KLRG1: variants seen among roughly 807,000 people sequenced by gnomAD.
The protein encoded by KLRG1 is killer cell lectin-like receptor subfamily G member 1.
In KLRG1, 16 loss-of-function variants were observed where a neutral mutation model predicts 21.8. The observed-to-expected ratio is 0.73, with a 90% CI of 0.50 to 1.11. The LOEUF (loss-of-function observed/expected upper bound fraction) is 1.11, where lower values mean the gene tolerates loss of function less well. KLRG1 is among the 50% of genes most tolerant of loss of function. The pLI, the probability that KLRG1 is intolerant of heterozygous loss-of-function variation, is 0.00. For synonymous variants in KLRG1, 69 were observed against 75.9 expected (o/e 0.91, Z 0.47); for missense variants, 173 against 218.3 (o/e 0.79, Z 1.31).
chr12:9,192,066 T>G, the KLRG1 span: 1 of 755,428 alleles, frequency 1.3e-6, no homozygotes, highest in East Asian at 2.6e-5. Flanking sequence ...ATAAGACGAG[T>G]ATTTTCCTGC....
chr12:8,953,209 G>A (rs918675521), intron 1 of KLRG1, among the ~76,000 whole-genome samples: 5 of 152,194 alleles, frequency 3.3e-5, no homozygotes, highest in African/African-American at 7.2e-5. Context: ...TTTATTGAGC[G>A]ATGGAACAGC....
the KLRG1 span, among the ~76,000 whole-genome samples, chr12:9,171,023 T>A: frequency 3.9e-5 from 6 of 152,130 alleles, no homozygotes; most frequent in Admixed American, 2.6e-4. Flanking sequence ...TTTGAGAAGG[T>A]CCCTGATCCC....
the KLRG1 span, among the ~76,000 whole-genome samples, chr12:9,140,817 TGAGGCCAGTTTCCC>T: frequency 6.6e-6 from 1 of 152,192 alleles, no homozygotes; most frequent in Non-Finnish European, 1.5e-5. Flanking sequence ...ACATAAAATA[TGAGGCCAGTTTCCC>T]GAGAGTTTTA....
the KLRG1 span, chr12:9,098,405 T>A: frequency 9.6e-6 from 3 of 311,028 alleles, no homozygotes; most frequent in Non-Finnish European, 1.6e-5. Context: ...ATTTTGTTTA[T>A]TTTTTTAACT....
At chr12:9,109,517 T>C in the KLRG1 span, 1 of 800,280 alleles carries the variant, frequency 1.2e-6, no homozygotes, top group Non-Finnish European at 2.1e-6. Flanking sequence ...TCTGAAAAGG[T>C]AGCTCTGCTC....
the KLRG1 span, among the ~76,000 whole-genome samples, chr12:9,060,306 G>A: frequency 2.0e-5 from 3 of 152,142 alleles, no homozygotes; most frequent in Non-Finnish European, 4.4e-5. Flanking sequence ...ACAGGCGTGA[G>A]CCATCGCACC....
intron 1 of KLRG1, among the ~76,000 whole-genome samples, chr12:8,953,163 C>T (rs1480864513): frequency 2.0e-5 from 3 of 151,836 alleles, no homozygotes; most frequent in East Asian, 3.9e-4. Flanking sequence ...TGAGGATATG[C>T]TGACAATTTG....
At chr12:9,046,287 C>T in the KLRG1 span, among the ~76,000 whole-genome samples, 6 of 152,046 alleles carry the variant, frequency 3.9e-5, no homozygotes, top group Non-Finnish European at 8.8e-5. Flanking sequence ...ATAATATACA[C>T]ATAATGGGAA....
At chr12:9,008,335 G>A (rs1437613492) in intron 3 of KLRG1, among the ~76,000 whole-genome samples, 2 of 152,362 alleles carry the variant, frequency 1.3e-5, no homozygotes, top group South Asian at 2.1e-4. Context: ...ATGGAAGGTA[G>A]AGATGTAATA....
chr12:9,076,823 G>A, the KLRG1 span: 1 of 1,613,990 alleles, frequency 6.2e-7, no homozygotes, highest in East Asian at 2.2e-5. Context: ...TACCTGCCAG[G>A]GCAAAAGCAT....
At chr12:9,057,742 TA>T in the KLRG1 span, 1 of 152,538 alleles carries the variant, frequency 6.6e-6, no homozygotes, top group African/African-American at 2.4e-5. Flanking sequence ...GAAGGAGTAA[TA>T]ATGCGGAACC....
At chr12:9,205,723 T>A in the KLRG1 span, among the ~76,000 whole-genome samples, 1 of 152,248 alleles carries the variant, frequency 6.6e-6, no homozygotes. Flanking sequence ...CTACCCTTAC[T>A]TTCCATTGCC....
At chr12:9,188,742 A>G in the KLRG1 span, among the ~76,000 whole-genome samples, 1 of 152,172 alleles carries the variant, frequency 6.6e-6, no homozygotes, top group Non-Finnish European at 1.5e-5. Flanking sequence ...GTCAAGCCAA[A>G]AGCCAAATCA....
intron 1 of KLRG1, among the ~76,000 whole-genome samples, chr12:8,963,888 T>G (rs1424687081): frequency 6.6e-6 from 1 of 152,222 alleles, no homozygotes; most frequent in Non-Finnish European, 1.5e-5. Context: ...GATATCCCCT[T>G]TATCATTTTT....
the KLRG1 span, among the ~76,000 whole-genome samples, chr12:9,082,001 G>C: frequency 1.3e-4 from 20 of 152,334 alleles, no homozygotes; most frequent in African/African-American, 4.8e-4. Context: ...TGAGTTTCCA[G>C]ATGGCCAGTC....
the KLRG1 span, among the ~76,000 whole-genome samples, chr12:9,096,956 G>T: frequency 6.6e-6 from 1 of 152,160 alleles, no homozygotes; most frequent in Admixed American, 6.5e-5. Context: ...TACACTAGTA[G>T]CAGCAAAGTG....
the KLRG1 span, among the ~76,000 whole-genome samples, chr12:9,108,979 T>C: frequency 1.3e-5 from 2 of 152,152 alleles, no homozygotes; most frequent in Non-Finnish European, 2.9e-5. Flanking sequence ...ATACGTTTGG[T>C]TATTTTTGGT....
the KLRG1 span, among the ~76,000 whole-genome samples, chr12:9,059,915 A>G: frequency 7.5e-3 from 1,139 of 151,348 alleles, 24 homozygotes; most frequent in African/African-American, 0.026. Context: ...CCTGAACTCA[A>G]GCAATCCATC....
chr12:9,192,561 A>G, the KLRG1 span: 1 of 1,614,184 alleles, frequency 6.2e-7, no homozygotes, highest in Non-Finnish European at 8.5e-7. Context: ...CTGTCTATTC[A>G]GTGTATAGTG....
Sources: allele counts gnomAD v4.1 joint callset (sites outside exome capture counted in the v4.1 genomes callset), GRCh38; gene constraint gnomAD v4.1.1; transcripts MANE v1.5; gene names NCBI Gene and HGNC (gene_info 2026-07-23, HGNC 2026-07-21).